The following PPFIA4 variants were observed in gnomAD, a reference collection of about 807,000 sequenced individuals.
The protein encoded by PPFIA4 is PPFI scaffold protein A4.
Under a neutral mutation model 145.7 loss-of-function variants are expected in PPFIA4, and 98 were observed. The ratio of observed to expected loss-of-function variants is 0.67; its 90% CI spans 0.57 to 0.80. The LOEUF is 0.80. Among genes scored for constraint, PPFIA4 ranks in the 30% least tolerant of loss-of-function variants. The pLI, the probability that PPFIA4 is intolerant of heterozygous loss-of-function variation, is 0.00. For synonymous variants in PPFIA4, 628 were observed against 649.6 expected, an observed-to-expected ratio of 0.97 and a Z score of 0.51; for missense variants, 1,457 against 1,632.7, an observed-to-expected ratio of 0.89 and a Z score of 1.85.
Position 203,048,510 on chromosome 1 carries a change from G to A in PPFIA4, c.1225-73G>A. On this transcript the variant is annotated intron_variant, in intron 10 of 29. Transcript: ENST00000295706. The surrounding 1 kb of genome is among the most constrained non-coding windows in gnomAD (Gnocchi z 5.8). ...AGAGGATGAGAAGAGGACAGGGGAG[G>A]GAGTCAAACCCCAGCAGGAGAGGGT... 3 of 1,546,776 alleles carry A rather than the reference G, an allele frequency of 1.9e-6. No individual in the cohort carries two copies. The highest frequency in any genetic ancestry group is 1.7e-6 in the Non-Finnish European group (2 of 1,144,458).
At chr1:203,033,032 T>C (rs1658961714) in intron 1 of PPFIA4, among the ~76,000 whole-genome samples, 2 of 152,228 alleles carry the variant, frequency 1.3e-5, no homozygotes, top group Non-Finnish European at 2.9e-5. Context: ...AGATGCTTCC[T>C]TCCGTGTCCC....
rs564858418 is a variant in PPFIA4 at position 203,068,798 on chromosome 1, A to T, written c.3324+170A>T. Among the ~76,000 whole-genome samples the T allele has an allele frequency of 6.6e-6, 1 of 152,290 alleles. No homozygotes were observed. The highest frequency in any genetic ancestry group is 2.4e-5 in the African/African-American group (1 of 41,544). On this transcript the variant is annotated intron_variant, in intron 27 of 29. Transcript: ENST00000295706. This position sits in a 1 kb window ranked among gnomAD's most constrained non-coding sequence, Gnocchi z 4.7. ...TCAATTCTCCAAGTGATCGCTGTGC[A>T]TAAGCAAGCCCTCATGGGAACACAT...
At chr1:203,029,170 TG>T (rs1292568520) in intron 1 of PPFIA4, among the ~76,000 whole-genome samples, 2 of 152,184 alleles carry the variant, frequency 1.3e-5, no homozygotes, top group Non-Finnish European at 1.5e-5. Context: ...GCCTGGCTGC[TG>T]GCCCACTGCA....
Position 203,061,142 on chromosome 1 carries a change from G to A in PPFIA4, c.2847+110G>A, listed in dbSNP as rs376582731. ...CAGAGTGGGCTGCCATCGATCTCACGTGAGGTTGGTATCCCTGAGGTGTGA... is the reference window on the plus strand; with the variant it reads ...CAGAGTGGGCTGCCATCGATCTCACATGAGGTTGGTATCCCTGAGGTGTGA... On this transcript the variant is annotated intron_variant, in intron 23 of 29. Transcript: ENST00000295706. The A allele has an allele frequency of 1.2e-4, 119 of 1,019,240 alleles. 2 individuals are homozygous for A. The highest frequency in any genetic ancestry group is 6.9e-4 in the East Asian group (29 of 42,140). The allele number at this position is 1,019,240 out of a possible 1,614,324, so 63.1% of individuals were successfully genotyped here.
At chr1:203,071,657 T>G (rs754782347) in intron 27 of PPFIA4, 35 bp from the exon 28 acceptor site, 1 of 1,529,204 alleles carries the variant, frequency 6.5e-7, no homozygotes. Flanking sequence ...CTATAGCCCT[T>G]CCCACCTTTC....
At chr1:203,053,210 A>G (rs896224451) in intron 14 of PPFIA4, among the ~76,000 whole-genome samples, 4 of 152,180 alleles carry the variant, frequency 2.6e-5, no homozygotes, top group Non-Finnish European at 5.9e-5. Context: ...TTAGAGCAGT[A>G]TTTCTTAGAC....
intron 2 of PPFIA4, among the ~76,000 whole-genome samples, chr1:203,039,730 A>G (rs994097511): frequency 6.6e-6 from 1 of 152,188 alleles, no homozygotes; most frequent in East Asian, 1.9e-4. Flanking sequence ...CCTGTCTCAC[A>G]CTCAACAGCA....
At chr1:203,051,540 C>A in intron 13 of PPFIA4, 1 of 807,858 alleles carries the variant, frequency 1.2e-6, no homozygotes, top group East Asian at 3.3e-5. Flanking sequence ...GACGGAAAAC[C>A]GCTCTCTGGA....
chr1:203,031,158 A>G (rs899216457), intron 1 of PPFIA4, among the ~76,000 whole-genome samples: 9 of 152,032 alleles, frequency 5.9e-5, no homozygotes, highest in African/African-American at 2.2e-4. Flanking sequence ...CCTGGGTTCA[A>G]GTGCTCCTCC....
chr1:203,048,128 G>T lies in PPFIA4; in HGVS notation c.1141-99G>T, dbSNP rs757120517. The T allele has an allele frequency of 4.7e-5, 52 of 1,114,568 alleles. No homozygotes were observed. The highest frequency in any genetic ancestry group is 5.6e-5 in the Non-Finnish European group (42 of 749,564). 69.0% of individuals were successfully genotyped at this position (1,114,568 alleles called of 1,614,324 possible). A position where few individuals can be genotyped will look rare whatever the true frequency, so the allele number is the denominator to read the frequency against. On this transcript the variant is annotated intron_variant, in intron 9 of 29. Transcript: ENST00000295706. The surrounding 1 kb of genome is among the most constrained non-coding windows in gnomAD (Gnocchi z 5.8). ...GAGCGTCACTGGTACTGGGGGCCAT[G>T]ATCCCCAGGGCCACCCTGGCACCAG...
In PPFIA4 at chr1:203,076,398, C is replaced by G; in HGVS notation, c.*8C>G. 6.2e-7 allele frequency: 1 copy of G among 1,607,802 alleles called. No individual in the cohort carries two copies. The highest frequency in any genetic ancestry group is 8.5e-7 in the Non-Finnish European group (1 of 1,179,062). ...TCCGCCTTCCGGGACTAGCCATGGC[C>G]CCCAGGGCTGGCTTCCTCCTTCTGG... On this transcript the variant is annotated 3_prime_UTR_variant, in exon 30 of 30. Transcript: ENST00000295706.
At chr1:203,030,677 G>C (rs913076996) in intron 1 of PPFIA4, among the ~76,000 whole-genome samples, 1 of 152,140 alleles carries the variant, frequency 6.6e-6, no homozygotes, top group East Asian at 1.9e-4. Context: ...CTCCTCTCTC[G>C]ATTATACCTT....
chr1:203,074,418 C>T (rs1213806677), intron 28 of PPFIA4, among the ~76,000 whole-genome samples: 2 of 151,072 alleles, frequency 1.3e-5, no homozygotes, highest in African/African-American at 4.9e-5. Flanking sequence ...TATGAGACCA[C>T]CACTGTATAT....
Position 203,046,803 on chromosome 1 carries a change from G to C in PPFIA4, c.1140+421G>C, listed in dbSNP as rs539618080. Among the ~76,000 whole-genome samples the C allele has an allele frequency of 2.6e-5, 4 of 152,228 alleles. No homozygotes were observed. The East Asian group carries it at 7.7e-4, about 29-fold the overall frequency. On this transcript the variant is annotated intron_variant, in intron 9 of 29. Coordinates refer to ENST00000295706, the MANE Select transcript of PPFIA4 (RefSeq NM_001304331.2). ...GGTATATATATCCCTGAAGGGCAAA[G>C]GGGTGAGAGTTAGGTTGAGTACATC...
intron 14 of PPFIA4, 89 bp downstream of exon 14, chr1:203,051,966 G>GAAGGATTTGCCCCA: frequency 7.1e-7 from 1 of 1,407,840 alleles, no homozygotes; most frequent in Non-Finnish European, 9.7e-7. Context: ...GGTGTGTGGG[G>GAAGGATTTGCCCCA]CAAATCCTTC....
In PPFIA4 at chr1:203,056,868, C is replaced by G. The variant is rs760339019; in HGVS notation, c.2325C>G (p.Ile775Met). The change falls in exon 19 of 30, where the codon ATC becomes ATG. Residue 775 changes from isoleucine (I) to methionine (M), a missense_variant. Ile to Met is a conservative substitution (Grantham distance 10). This residue lies in a region of PPFIA4 where 848 missense variants were observed against 1,046.7 expected (regional missense o/e 0.81). Transcript: ENST00000295706. ...SLHKGAKRKG[I>M]KSSIGRLFGK... ...ACAAGGGCGCCAAGCGCAAGGGCATCAAGTCGTCCATTGGCCGCCTGTTTG... is the reference window on the plus strand; with the variant it reads ...ACAAGGGCGCCAAGCGCAAGGGCATGAAGTCGTCCATTGGCCGCCTGTTTG... 1.2e-5 allele frequency: 20 copies of G among 1,613,996 alleles called. No individual in the cohort carries two copies. The highest frequency in any genetic ancestry group is 1.7e-5 in the Non-Finnish European group (20 of 1,179,924).
intron 19 of PPFIA4, among the ~76,000 whole-genome samples, chr1:203,057,456 C>T (rs1661051215): frequency 1.3e-5 from 2 of 152,184 alleles, no homozygotes; most frequent in South Asian, 4.1e-4. Flanking sequence ...TCGTTATCAC[C>T]TCTGTGATAG....
rs773187371 is a variant in PPFIA4, at chr1:203,056,480, C to T, written c.2212C>T (p.Pro738Ser). ...RTLRLEKLGH[P>S]ALSQEEGKSA... ...GCTGCGGCTAGAGAAGCTTGGCCAC[C>T]CAGCCCTGAGCCAGGAAGAAGGCAA... The change falls in exon 18 of 30, where the codon CCA becomes TCA. Residue 738 changes from proline (P) to serine (S), a missense_variant. By Grantham distance (74) the Pro-to-Ser change is moderately conservative. Transcript: ENST00000295706. The T allele has an allele frequency of 1.2e-6, 2 of 1,613,958 alleles. No individual in the cohort carries two copies. The highest frequency in any genetic ancestry group is 1.7e-5 in the Admixed American group (1 of 60,006).
intron 2 of PPFIA4, among the ~76,000 whole-genome samples, chr1:203,041,745 G>A (rs1035144048): frequency 6.6e-5 from 10 of 152,154 alleles, no homozygotes; most frequent in South Asian, 2.1e-4. Context: ...CCAGCCTTTT[G>A]GTGGTGGTGT....
Sources: allele counts gnomAD v4.1 joint callset (sites outside exome capture counted in the v4.1 genomes callset), GRCh38; gene constraint gnomAD v4.1.1; regional missense constraint gnomAD v4.1.1; non-coding constraint Gnocchi (gnomAD v3.1); transcripts MANE v1.5; gene names NCBI Gene and HGNC (gene_info 2026-07-23, HGNC 2026-07-21).